SNX29: variants seen among roughly 807,000 people sequenced by gnomAD.
The protein encoded by SNX29 is sorting nexin-29.
A neutral mutation model predicts 102.1 loss-of-function variants in SNX29; 78 were observed. That is an observed-to-expected ratio of 0.76 (90% CI 0.64 to 0.92). The LOEUF (loss-of-function observed/expected upper bound fraction) is 0.92. Ranked by LOEUF, SNX29 falls within the 40% of genes least tolerant of loss-of-function variation. The probability of loss-of-function intolerance (pLI) is 0.00; values close to 1 mark genes in which losing one functional copy is unlikely to be tolerated. For missense variants in SNX29, 1,280 were observed against 1,061.7 expected (o/e 1.21, Z -2.86); for synonymous variants, 580 against 414.5 (o/e 1.40, Z -4.85).
At chr16:12,305,717 A>T (rs1465361543) in intron 15 of SNX29, among the ~76,000 whole-genome samples, 4 of 152,218 alleles carry the variant, frequency 2.6e-5, no homozygotes. Context: ...TTGTGTATCC[A>T]GACTCCGAAA....
intron 20 of SNX29, among the ~76,000 whole-genome samples, chr16:12,548,567 C>T (rs538862233): frequency 4.6e-5 from 7 of 152,294 alleles, no homozygotes; most frequent in East Asian, 1.9e-4. Flanking sequence ...TTCTATGATG[C>T]TGGCTTCCCT....
At chr16:12,440,041 G>A (rs2151666093) in intron 18 of SNX29, among the ~76,000 whole-genome samples, 1 of 152,280 alleles carries the variant, frequency 6.6e-6, no homozygotes, top group South Asian at 2.1e-4. Flanking sequence ...GCCTCTTAGA[G>A]TCTCATGTAT....
At chr16:12,544,411 T>C (rs1031539346) in intron 20 of SNX29, among the ~76,000 whole-genome samples, 1 of 152,164 alleles carries the variant, frequency 6.6e-6, no homozygotes, top group Non-Finnish European at 1.5e-5. Flanking sequence ...TAAAACATTA[T>C]GTCAGCTGGT....
chr16:12,269,861 T>TCAC (rs1567379318), intron 14 of SNX29, among the ~76,000 whole-genome samples: 1 of 31,842 alleles, frequency 3.1e-5, no homozygotes, highest in Admixed American at 2.9e-4. Flanking sequence ...ATCATCATCA[T>TCAC]TATTATTATT....
intron 20 of SNX29, among the ~76,000 whole-genome samples, chr16:12,541,730 C>T (rs779807110): frequency 6.6e-6 from 1 of 152,168 alleles, no homozygotes; most frequent in African/African-American, 2.4e-5. Flanking sequence ...CACCTCCTGT[C>T]TTTTCCGTAC....
chr16:12,042,395 C>A (rs1390029863), intron 4 of SNX29, among the ~76,000 whole-genome samples: 1 of 152,028 alleles, frequency 6.6e-6, no homozygotes, highest in Admixed American at 6.6e-5. Context: ...TGCGTGATGC[C>A]GAGGTTTAGG....
intron 20 of SNX29, among the ~76,000 whole-genome samples, chr16:12,560,176 T>TA (rs1342171336): frequency 1.3e-5 from 2 of 150,752 alleles, no homozygotes; most frequent in African/African-American, 4.9e-5. Flanking sequence ...CACTTTTTTT[T>TA]AATTCACCAT....
At chr16:12,093,981 G>A (rs1367403075) in intron 11 of SNX29, 1 of 152,164 alleles carries the variant, frequency 6.6e-6, no homozygotes, top group African/African-American at 2.4e-5. Context: ...GGCAATCGTG[G>A]TATCATTATT....
At chr16:12,060,911 C>G in intron 8 of SNX29, 2 of 455,606 alleles carry the variant, frequency 4.4e-6, no homozygotes, top group Middle Eastern at 6.5e-4. Context: ...TTGGAAGGGA[C>G]CCAGACGTGA....
intron 4 of SNX29, among the ~76,000 whole-genome samples, chr16:12,032,981 A>G (rs1465198937): frequency 1.3e-5 from 2 of 152,026 alleles, no homozygotes; most frequent in Non-Finnish European, 2.9e-5. Context: ...CAGTTTCCCA[A>G]GTAGCTGGGA....
chr16:12,542,306 A>C (rs957656294), intron 20 of SNX29, among the ~76,000 whole-genome samples: 9 of 152,238 alleles, frequency 5.9e-5, no homozygotes, highest in Middle Eastern at 3.2e-3. Flanking sequence ...GATCACAGCT[A>C]GTAAGTTTTA....
chr16:12,354,190 G>T (rs781739511), intron 15 of SNX29, among the ~76,000 whole-genome samples: 10 of 152,202 alleles, frequency 6.6e-5, no homozygotes, highest in Non-Finnish European at 1.5e-4. Flanking sequence ...TAAGATGAAA[G>T]CTGTTGATAC....
intron 19 of SNX29, among the ~76,000 whole-genome samples, chr16:12,497,767 C>G (rs2088903690): frequency 6.6e-6 from 1 of 152,192 alleles, no homozygotes; most frequent in Non-Finnish European, 1.5e-5. Flanking sequence ...TCCATTGTAT[C>G]CACTAGGCGC....
At chr16:12,549,576 G>A (rs1288700310) in intron 20 of SNX29, among the ~76,000 whole-genome samples, 2 of 152,128 alleles carry the variant, frequency 1.3e-5, no homozygotes, top group East Asian at 3.9e-4. Context: ...TGGGACCCCA[G>A]CCCTAAGACC....
At chr16:12,486,379 A>T (rs1450747822) in intron 19 of SNX29, among the ~76,000 whole-genome samples, 1 of 152,144 alleles carries the variant, frequency 6.6e-6, no homozygotes, top group Non-Finnish European at 1.5e-5. Flanking sequence ...TGAGGCATAG[A>T]CACTTTGGGA....
chr16:12,306,585 C>T (rs909844935), intron 15 of SNX29, among the ~76,000 whole-genome samples: 6 of 152,170 alleles, frequency 3.9e-5, no homozygotes, highest in African/African-American at 7.2e-5. Flanking sequence ...ATACGTGTTT[C>T]GCTGTCTTTG....
rs2079208910 is a variant in SNX29, at chr16:12,572,508, G to C, written c.*3879G>C. 5 of 1,063,724 alleles carry C rather than the reference G, an allele frequency of 4.7e-6. No homozygotes were observed. Among genetic ancestry groups the C allele is most frequent in the African/African-American group, 1.6e-5 (1 of 60,960 alleles). The allele number at this position is 1,063,724 out of a possible 1,614,324, so 65.9% of individuals were successfully genotyped here. ...TGGGGTTCCAGGCCTCGGCCTTCCT[G>C]CTCCACGTGCTCAAGCCCCCACAGG... On this transcript the variant is annotated 3_prime_UTR_variant, in exon 21 of 21. Coordinates refer to ENST00000566228, the MANE Select transcript of SNX29 (RefSeq NM_032167.5).
At chr16:12,506,047 G>C (rs12444275) in intron 19 of SNX29, among the ~76,000 whole-genome samples, 14,407 of 151,984 alleles carry the variant, frequency 0.095, 746 homozygotes, top group Middle Eastern at 0.12. Flanking sequence ...TGCAACCTCC[G>C]CCTCCCAGGC....
rs142901354 is a variant in SNX29 at position 12,080,981 on chromosome 16, C to G, written c.1402+2066C>G. 3.5e-3 allele frequency among the ~76,000 whole-genome samples: 534 copies of G among 152,352 alleles called. 1 individual carries two copies. Among genetic ancestry groups the G allele is most frequent in the Middle Eastern group, 6.8e-3 (2 of 294 alleles). ...ACAGGTGTGAGCCACCGTGCCCAGA[C>G]TGTAGTTTACTTTTAATGATGCACT... On this transcript the variant is annotated intron_variant, in intron 11 of 20. Transcript: ENST00000566228.
Sources: gnomAD v4.1 joint callset for allele counts (sites outside exome capture counted in the v4.1 genomes callset) on GRCh38, gnomAD v4.1.1 for gene constraint, MANE v1.5 for transcripts, NCBI Gene and HGNC (gene_info 2026-07-23, HGNC 2026-07-21) for gene names.